Variants in WASF2 observed in about 807,000 individuals in gnomAD.
WASF2 encodes the protein actin-binding protein WASF2.
WASF2 carries 14 observed loss-of-function variants against 45.0 expected under a neutral mutation model. That is an observed-to-expected ratio of 0.31 (90% CI 0.21 to 0.49). The LOEUF (loss-of-function observed/expected upper bound fraction) is 0.49, where lower values mean the gene tolerates loss of function less well. Ranked by LOEUF, WASF2 falls within the 20% of genes least tolerant of loss-of-function variation. The pLI is 0.99. For synonymous variants in WASF2, 200 were observed against 236.3 expected, an observed-to-expected ratio of 0.85 and a Z score of 1.41; for missense variants, 439 against 636.1, an observed-to-expected ratio of 0.69 and a Z score of 3.33.
chr1:27,478,876 G>A (rs777281849), intron 1 of WASF2, among the ~76,000 whole-genome samples: 3 of 152,038 alleles, frequency 2.0e-5, no homozygotes, highest in Non-Finnish European at 2.9e-5. Context: ...GAGCCACTGC[G>A]CCCAGCCAAA....
intron 1 of WASF2, among the ~76,000 whole-genome samples, chr1:27,467,046 C>T (rs913291274): frequency 5.3e-5 from 8 of 150,474 alleles, no homozygotes; most frequent in African/African-American, 1.7e-4. Context: ...GAAACCCCAT[C>T]CCTATAAAAA....
chr1:27,441,861 G>C (rs1370216886), intron 1 of WASF2, among the ~76,000 whole-genome samples: 1 of 151,340 alleles, frequency 6.6e-6, no homozygotes, highest in African/African-American at 2.4e-5. Context: ...GGGAGGCGGA[G>C]GTTGCAGTGA....
intron 1 of WASF2, among the ~76,000 whole-genome samples, chr1:27,453,961 T>C (rs549754579): frequency 1.3e-5 from 2 of 152,060 alleles, no homozygotes; most frequent in Admixed American, 1.3e-4. Context: ...TCTCCTTTCC[T>C]TATCCTGAAA....
chr1:27,439,579 CAG>C (rs931151220), intron 1 of WASF2, among the ~76,000 whole-genome samples: 1 of 152,020 alleles, frequency 6.6e-6, no homozygotes, highest in Non-Finnish European at 1.5e-5. Context: ...TAATTTAGTT[CAG>C]AGAGAGAGAA....
chr1:27,442,153 C>G (rs1450272788), intron 1 of WASF2, among the ~76,000 whole-genome samples: 4 of 151,752 alleles, frequency 2.6e-5, no homozygotes, highest in Non-Finnish European at 5.9e-5. Flanking sequence ...ATATAACCAG[C>G]CTGGGCAACA....
chr1:27,443,949 T>G (rs1312587721), intron 1 of WASF2, among the ~76,000 whole-genome samples: 1 of 151,336 alleles, frequency 6.6e-6, no homozygotes, highest in Admixed American at 6.6e-5. Context: ...CCTGGCTAAT[T>G]TTTGTATTTT....
At chr1:27,455,388 C>A (rs1258999675) in intron 1 of WASF2, among the ~76,000 whole-genome samples, 1 of 152,058 alleles carries the variant, frequency 6.6e-6, no homozygotes, top group African/African-American at 2.4e-5. Context: ...AACTGTATGA[C>A]CAAATCTCTG....
At chr1:27,480,986 C>T (rs1181899460) in intron 1 of WASF2, among the ~76,000 whole-genome samples, 3 of 151,028 alleles carry the variant, frequency 2.0e-5, no homozygotes, top group Non-Finnish European at 3.0e-5. Flanking sequence ...TGCAGTGAGC[C>T]GAGATCACGC....
At chr1:27,449,110 C>G (rs1557609977) in intron 1 of WASF2, among the ~76,000 whole-genome samples, 1 of 152,152 alleles carries the variant, frequency 6.6e-6, no homozygotes. Context: ...AAGCTGGCGT[C>G]CCCTCTTCCA....
At chr1:27,474,848 A>G (rs1294147207) in intron 1 of WASF2, among the ~76,000 whole-genome samples, 1 of 152,110 alleles carries the variant, frequency 6.6e-6, no homozygotes, top group Non-Finnish European at 1.5e-5. Flanking sequence ...AGTACCCAAG[A>G]GGCTGAGGTG....
At position 27,405,475 on chromosome 1, in the gene WASF2, C is replaced by G. The variant is rs1262535457; in HGVS notation, c.*2714G>C. 6.6e-6 allele frequency: 1 copy of G among 152,168 alleles called. No individual in the cohort carries two copies. Among genetic ancestry groups the G allele is most frequent in the African/African-American group, 2.4e-5 (1 of 41,422 alleles). The allele number at this position is 152,168 out of a possible 1,614,324, so 9.4% of individuals were successfully genotyped here. A position where few individuals can be genotyped will look rare whatever the true frequency, so the allele number is the denominator to read the frequency against. On this transcript the variant is annotated 3_prime_UTR_variant, in exon 9 of 9. Transcript: ENST00000618852. ...TCCTTATGGGCCATTGTTCCATACT[C>G]TCACTAGCTTAGGCCCAGATTAAAT...
chr1:27,427,016 C>T (rs956604069), intron 2 of WASF2, among the ~76,000 whole-genome samples: 12 of 152,132 alleles, frequency 7.9e-5, no homozygotes, highest in African/African-American at 1.7e-4. Flanking sequence ...TTTATTTCTG[C>T]CTCCCCTTGT....
chr1:27,416,543 G>C (rs2016828412), intron 4 of WASF2, among the ~76,000 whole-genome samples: 1 of 152,198 alleles, frequency 6.6e-6, no homozygotes, highest in Non-Finnish European at 1.5e-5. Flanking sequence ...AAACCTGTGT[G>C]CACATGTGGG....
At chr1:27,431,729 T>A (rs930767520) in intron 1 of WASF2, among the ~76,000 whole-genome samples, 2 of 152,168 alleles carry the variant, frequency 1.3e-5, no homozygotes, top group African/African-American at 2.4e-5. Context: ...GGGGGGCAAA[T>A]TCTAACACCT....
chr1:27,487,045 A>G (rs1256857301), intron 1 of WASF2, among the ~76,000 whole-genome samples: 1 of 139,968 alleles, frequency 7.1e-6, no homozygotes, highest in Non-Finnish European at 1.5e-5. Context: ...AATCTGTTAC[A>G]TATATTATAT....
chr1:27,478,637 C>T (rs1296601789), intron 1 of WASF2, among the ~76,000 whole-genome samples: 2 of 152,100 alleles, frequency 1.3e-5, no homozygotes, highest in Non-Finnish European at 2.9e-5. Flanking sequence ...GGCTGGAGTG[C>T]AATGGCGTGA....
intron 1 of WASF2, among the ~76,000 whole-genome samples, chr1:27,488,742 C>T (rs928436066): frequency 1.3e-5 from 2 of 152,126 alleles, no homozygotes; most frequent in African/African-American, 4.8e-5. Context: ...AGACCTCTGC[C>T]CCCATTTGTA....
At chr1:27,453,523 C>G (rs2017413318) in intron 1 of WASF2, among the ~76,000 whole-genome samples, 1 of 146,386 alleles carries the variant, frequency 6.8e-6, no homozygotes, top group South Asian at 2.2e-4. Context: ...ACCCAGGAGG[C>G]AGAGGTTGCC....
At chr1:27,432,254 C>A (rs6698210) in intron 1 of WASF2, among the ~76,000 whole-genome samples, 1 of 152,070 alleles carries the variant, frequency 6.6e-6, no homozygotes, top group Non-Finnish European at 1.5e-5. Context: ...TAGGTTAGCA[C>A]CCTGACTAGT....
Sources: allele counts gnomAD v4.1 joint callset (sites outside exome capture counted in the v4.1 genomes callset), GRCh38; gene constraint gnomAD v4.1.1; transcripts MANE v1.5; gene names NCBI Gene and HGNC (gene_info 2026-07-23, HGNC 2026-07-21).